MGAM: variants seen among roughly 807,000 people sequenced by gnomAD.
MGAM encodes alpha-1,4-glucosidase.
Under a neutral mutation model 358.8 loss-of-function variants are expected in MGAM, and 253 were observed. The ratio of observed to expected loss-of-function variants is 0.71; its 90% CI spans 0.64 to 0.78. MGAM has a LOEUF of 0.78. Among genes scored for constraint, MGAM ranks in the 30% least tolerant of loss-of-function variants. The pLI, the probability that MGAM is intolerant of heterozygous loss-of-function variation, is 0.00. For missense variants in MGAM, 3,080 were observed against 3,432.6 expected (o/e 0.90, Z 2.57); for synonymous variants, 1,105 against 1,227.1 (o/e 0.90, Z 2.08).
intron 4 of MGAM, 45 bp downstream of exon 4, chr7:142,019,364 A>C (rs1371624598): frequency 3.8e-6 from 6 of 1,599,160 alleles, no homozygotes; most frequent in Non-Finnish European, 5.1e-6. Context: ...GACCCTCTGG[A>C]GGTTGACTCT....
chr7:141,991,788 G>C (rs566715861), upstream of MGAM, among the ~76,000 whole-genome samples: 1 of 151,988 alleles, frequency 6.6e-6, no homozygotes, highest in African/African-American at 2.4e-5. Context: ...CATAGTCTTC[G>C]AGGCTCCCAA....
rs1554455380 is a variant in MGAM, at chr7:142,014,517, A to G, written c.328-4682A>G. On this transcript the variant is annotated intron_variant, in intron 3 of 70. Coordinates refer to ENST00000475668, the MANE Select transcript of MGAM (RefSeq NM_001365693.1). Reference sequence around the variant, plus strand: ...TATTCATAAATATTTAAGATATACAAAAATATATAACCATTATCCAGCTTA... The same window carrying G: ...TATTCATAAATATTTAAGATATACAGAAATATATAACCATTATCCAGCTTA... 2.0e-5 allele frequency among the ~76,000 whole-genome samples: 3 copies of G among 152,120 alleles called. 1 individual carries two copies. The highest frequency in any genetic ancestry group is 7.2e-5 in the African/African-American group (3 of 41,436).
At chr7:142,043,557 A>G (rs1175196203) in intron 21 of MGAM, among the ~76,000 whole-genome samples, 6 of 101,678 alleles carry the variant, frequency 5.9e-5, no homozygotes, top group African/African-American at 2.3e-4. Flanking sequence ...ATCTAAATAT[A>G]TATATTATAT....
intron 42 of MGAM, 42 bp from the exon 43 acceptor site, chr7:142,068,605 A>G (rs1813052359): frequency 1.4e-6 from 2 of 1,413,540 alleles, no homozygotes; most frequent in Non-Finnish European, 2.0e-6. Context: ...TCTGTCCTGG[A>G]AAATGGTGGC....
chr7:142,089,487 T>C (rs960361815), intron 57 of MGAM, among the ~76,000 whole-genome samples: 15 of 146,498 alleles, frequency 1.0e-4, no homozygotes, highest in African/African-American at 3.6e-4. Context: ...ACAAAGGTAA[T>C]TGTAGTTTTT....
intron 13 of MGAM, among the ~76,000 whole-genome samples, chr7:142,032,389 A>G (rs1807586455): frequency 6.6e-6 from 1 of 152,174 alleles, no homozygotes; most frequent in African/African-American, 2.4e-5. Flanking sequence ...AAATTATAGC[A>G]ACTAAAGACA....
intron 1 of MGAM, among the ~76,000 whole-genome samples, chr7:141,999,203 T>C (rs1400979272): frequency 6.6e-6 from 1 of 152,198 alleles, no homozygotes; most frequent in Non-Finnish European, 1.5e-5. Context: ...TGCAAGCAGA[T>C]TTCTTTCTTC....
chr7:142,103,606 A>G (rs545904122), intron 70 of MGAM, among the ~76,000 whole-genome samples, 167 bp downstream of exon 70: 1 of 152,270 alleles, frequency 6.6e-6, no homozygotes, highest in African/African-American at 2.4e-5. Flanking sequence ...ATGAAAAATC[A>G]TGGTTTATCA....
In MGAM at chr7:142,059,829, C is replaced by T. The variant is rs747064094; in HGVS notation, c.3949-27C>T. On this transcript the variant is annotated intron_variant, in intron 32 of 70. Transcript: ENST00000475668. The stretch of plus-strand genomic sequence containing the variant: ...CTCCTCATTCTCTGGCTTTGGTTTT[C>T]CCAACTGACTTATGCTTTGATTTCA... The T allele has an allele frequency of 4.0e-5, 63 of 1,593,956 alleles. No homozygotes were observed. In the East Asian group the frequency reaches 1.4e-3, roughly 35 times the overall value.
intron 22 of MGAM, among the ~76,000 whole-genome samples, 182 bp downstream of exon 22, chr7:142,048,055 G>A (rs1327692526): frequency 1.3e-5 from 2 of 152,088 alleles, no homozygotes; most frequent in East Asian, 3.9e-4. Context: ...ACAAAGGAAA[G>A]AAAAATACAT....
intron 3 of MGAM, among the ~76,000 whole-genome samples, chr7:142,010,186 C>T (rs558184507): frequency 1.3e-5 from 2 of 152,060 alleles, no homozygotes; most frequent in Non-Finnish European, 2.9e-5. Context: ...TTGGGAGACT[C>T]TTCTTTGGAG....
chr7:141,993,831 A>G (rs541457159), upstream of MGAM, among the ~76,000 whole-genome samples: 1 of 152,352 alleles, frequency 6.6e-6, no homozygotes, highest in African/African-American at 2.4e-5. Context: ...TGAAATTGCA[A>G]TCGCTATTAG....
At chr7:141,992,990 G>C (rs1490715827), upstream of MGAM, among the ~76,000 whole-genome samples, 1 of 152,200 alleles carries the variant, frequency 6.6e-6, no homozygotes, top group Non-Finnish European at 1.5e-5. Context: ...CGGTAAGTCA[G>C]TGTTACCACG....
chr7:141,987,855 A>G (rs978589812), intron 2 of MGAM, among the ~76,000 whole-genome samples: 31 of 152,192 alleles, frequency 2.0e-4, no homozygotes, highest in Non-Finnish European at 8.8e-5. Flanking sequence ...TTAAATTAGT[A>G]TGACTTTAAC....
chr7:141,990,826 G>C (rs1310804333), intron 2 of MGAM, among the ~76,000 whole-genome samples: 1 of 152,200 alleles, frequency 6.6e-6, no homozygotes, highest in Non-Finnish European at 1.5e-5. Flanking sequence ...TGCTCCCTTC[G>C]CCCAAAATAT....
At chr7:142,058,057 T>C in intron 30 of MGAM, 146 bp from the exon 31 acceptor site, 1 of 1,274,168 alleles carries the variant, frequency 7.8e-7, no homozygotes, top group Non-Finnish European at 1.1e-6. Flanking sequence ...AGTATCCTAG[T>C]GGCTCTATAT....
At chr7:142,047,083 CAG>C in intron 21 of MGAM, among the ~76,000 whole-genome samples, 1 of 152,200 alleles carries the variant, frequency 6.6e-6, no homozygotes, top group South Asian at 2.1e-4. Context: ...AGACCAGTGA[CAG>C]AGGAGAAACA....
At chr7:142,021,485 TC>T in intron 5 of MGAM, 100 bp from the exon 6 acceptor site, 1 of 1,156,694 alleles carries the variant, frequency 8.6e-7, no homozygotes, top group East Asian at 2.6e-5. Context: ...AGATATGAGG[TC>T]AGTTTGATCA....
At position 142,052,776 on chromosome 7, in the gene MGAM, C is replaced by T. The variant is rs1361585916; in HGVS notation, c.2959-8C>T. The T allele has an allele frequency of 6.2e-7, 1 of 1,613,622 alleles. No individual in the cohort carries two copies. The highest frequency in any genetic ancestry group is 8.5e-7 in the Non-Finnish European group (1 of 1,179,752). ...GTGCTGATCTATGACTTTGGCCTTA[C>T]TTTTCAGGCATCCAATTCTTCTGGA... is the stretch of plus-strand genomic sequence containing the variant. On this transcript the variant is annotated splice_region_variant and splice_polypyrimidine_tract_variant and intron_variant, in intron 25 of 70. Coordinates refer to ENST00000475668, the MANE Select transcript of MGAM (RefSeq NM_001365693.1).
Sources: allele counts gnomAD v4.1 joint callset (sites outside exome capture counted in the v4.1 genomes callset), GRCh38; gene constraint gnomAD v4.1.1; transcripts MANE v1.5; gene names NCBI Gene and HGNC (gene_info 2026-07-23, HGNC 2026-07-21).